The following ARHGEF3 variants were observed in gnomAD, a reference collection of about 807,000 sequenced individuals.
ARHGEF3 encodes the protein 59.8 kDA protein.
Under a neutral mutation model 63.2 loss-of-function variants are expected in ARHGEF3, and 28 were observed. The ratio of observed to expected loss-of-function variants is 0.44; its 90% CI spans 0.33 to 0.61. The LOEUF (loss-of-function observed/expected upper bound fraction) is 0.61. ARHGEF3 is among the 20% of genes least tolerant of loss of function. The pLI is 0.03. For synonymous variants in ARHGEF3, 266 were observed against 254.2 expected, an observed-to-expected ratio of 1.05 and a Z score of -0.44; for missense variants, 533 against 659.3, an observed-to-expected ratio of 0.81 and a Z score of 2.10.
intron 2 of ARHGEF3, among the ~76,000 whole-genome samples, chr3:57,026,560 C>T (rs781574597): frequency 1.3e-5 from 2 of 152,140 alleles, no homozygotes; most frequent in African/African-American, 2.4e-5. Flanking sequence ...GGAGGGAGAC[C>T]GACATGATGT....
intron 2 of ARHGEF3, among the ~76,000 whole-genome samples, chr3:56,995,256 G>A (rs891713307): frequency 5.9e-5 from 9 of 152,086 alleles, no homozygotes; most frequent in South Asian, 2.1e-4. Flanking sequence ...TGAGGCCGGC[G>A]TCTGGGGGGT....
intron 4 of ARHGEF3, among the ~76,000 whole-genome samples, chr3:56,813,560 G>T (rs1333879168): frequency 6.6e-6 from 1 of 152,046 alleles, no homozygotes; most frequent in Non-Finnish European, 1.5e-5. Flanking sequence ...GCAGTTTGGG[G>T]TATCTTGTTA....
chr3:57,017,935 A>G (rs762955223), intron 2 of ARHGEF3, among the ~76,000 whole-genome samples: 5 of 152,234 alleles, frequency 3.3e-5, no homozygotes, highest in Non-Finnish European at 5.9e-5. Context: ...AGTGAAGTGC[A>G]AAGAGCACAT....
At chr3:57,030,797 T>C (rs1287361936) in intron 2 of ARHGEF3, among the ~76,000 whole-genome samples, 1 of 152,206 alleles carries the variant, frequency 6.6e-6, no homozygotes, top group African/African-American at 2.4e-5. Flanking sequence ...CCTATACTCT[T>C]GGGCCCCTAA....
intron 4 of ARHGEF3, among the ~76,000 whole-genome samples, chr3:56,856,995 C>T (rs2039909295): frequency 6.6e-6 from 1 of 152,024 alleles, no homozygotes; most frequent in Non-Finnish European, 1.5e-5. Flanking sequence ...TCCAAGTCTG[C>T]AGCCATGGGC....
In ARHGEF3 at chr3:56,751,109, C is replaced by T. The variant is rs2034715293; in HGVS notation, c.559G>A (p.Val187Ile). The T allele has an allele frequency of 6.2e-7, 1 of 1,614,008 alleles. No individual in the cohort carries two copies. Among genetic ancestry groups the T allele is most frequent in the Non-Finnish European group, 8.5e-7 (1 of 1,180,022 alleles). ...TCAGTCGAGCCATCAGGCTTCCTAA[C>T]ATCTCGAAGCTGACTAAGGAGCTCT... ...HEELLSQLRD[V>I]RKPDGSTEHV... Residue 187 changes from valine (V) to isoleucine (I), a missense_variant, in exon 6 of 10, where the codon GTT becomes ATT. Val to Ile is a conservative substitution (Grantham distance 29, BLOSUM62 3). Around this residue, in one of 4 missense-constraint regions of ARHGEF3, gnomAD observed 107 missense variants for 207.9 expected, o/e 0.51. Coordinates refer to ENST00000296315, the MANE Select transcript of ARHGEF3 (RefSeq NM_019555.3).
intron 2 of ARHGEF3, among the ~76,000 whole-genome samples, chr3:57,021,243 A>G (rs9853968): frequency 0.027 from 4,094 of 152,356 alleles, 178 homozygotes; most frequent in African/African-American, 0.093. Context: ...AGAAAAAACA[A>G]AAACAGATGT....
upstream of ARHGEF3, among the ~76,000 whole-genome samples, chr3:56,802,846 A>G (rs1227088189): frequency 1.3e-5 from 2 of 152,236 alleles, no homozygotes; most frequent in African/African-American, 4.8e-5. Flanking sequence ...ACTGGAAACA[A>G]TGGTAATATA....
At chr3:56,849,242 G>A (rs1559990282) in intron 4 of ARHGEF3, among the ~76,000 whole-genome samples, 1 of 152,084 alleles carries the variant, frequency 6.6e-6, no homozygotes, top group Admixed American at 6.6e-5. Context: ...CTTTTACCAG[G>A]AACTTACATA....
chr3:56,879,521 T>G (rs2040698914), intron 4 of ARHGEF3, among the ~76,000 whole-genome samples: 1 of 152,208 alleles, frequency 6.6e-6, no homozygotes, highest in Non-Finnish European at 1.5e-5. Context: ...CATCTGCAAT[T>G]TCTTGTTCAA....
chr3:56,912,861 C>T (rs2041888093), intron 3 of ARHGEF3, among the ~76,000 whole-genome samples: 1 of 152,126 alleles, frequency 6.6e-6, no homozygotes, highest in East Asian at 1.9e-4. Context: ...ATCTGGGGGG[C>T]ATGCAGTGGC....
chr3:57,052,484 ACAGG>A (rs1200656551), intron 1 of ARHGEF3, among the ~76,000 whole-genome samples: 1 of 152,048 alleles, frequency 6.6e-6, no homozygotes, highest in Non-Finnish European at 1.5e-5. Flanking sequence ...TTTAGTAGAG[ACAGG>A]GTTTCACCAA....
intron 4 of ARHGEF3, among the ~76,000 whole-genome samples, chr3:56,876,040 AG>A (rs2040575543): frequency 2.0e-5 from 3 of 152,254 alleles, no homozygotes; most frequent in Admixed American, 2.0e-4. Context: ...ATGAAGGGTA[AG>A]GGGGCATGAG....
chr3:56,884,110 T>G (rs1475374305), intron 3 of ARHGEF3, among the ~76,000 whole-genome samples: 2 of 152,138 alleles, frequency 1.3e-5, no homozygotes, highest in Admixed American at 1.3e-4. Flanking sequence ...GAGCCAAACA[T>G]CCTAGAGAAA....
chr3:56,964,230 G>A (rs1700396351), intron 2 of ARHGEF3, among the ~76,000 whole-genome samples: 1 of 151,906 alleles, frequency 6.6e-6, no homozygotes, highest in Non-Finnish European at 1.5e-5. Context: ...GTGCATGCCT[G>A]TAGTCCCAGC....
At chr3:56,811,378 C>G (rs753779766) in intron 4 of ARHGEF3, among the ~76,000 whole-genome samples, 8 of 131,044 alleles carry the variant, frequency 6.1e-5, no homozygotes, top group Non-Finnish European at 1.1e-4. Context: ...GGGGCTGGGG[C>G]AGATGGTGGG....
intron 4 of ARHGEF3, among the ~76,000 whole-genome samples, chr3:56,808,096 C>T (rs2037929640): frequency 6.6e-6 from 1 of 150,666 alleles, no homozygotes; most frequent in South Asian, 2.1e-4. Context: ...TGCACTCTAG[C>T]CTGGGTGACA....
At chr3:56,812,692 T>A (rs1212289597) in intron 4 of ARHGEF3, among the ~76,000 whole-genome samples, 1 of 152,208 alleles carries the variant, frequency 6.6e-6, no homozygotes, top group Non-Finnish European at 1.5e-5. Flanking sequence ...GGGGGCAGAT[T>A]TTGCCTGATG....
intron 2 of ARHGEF3, among the ~76,000 whole-genome samples, chr3:56,767,009 C>T (rs2107813382): frequency 6.6e-6 from 1 of 152,130 alleles, no homozygotes; most frequent in South Asian, 2.1e-4. Flanking sequence ...TTTATGAGTC[C>T]ATTAAGAATC....
Sources: allele counts gnomAD v4.1 joint callset (sites outside exome capture counted in the v4.1 genomes callset), GRCh38; gene constraint gnomAD v4.1.1; regional missense constraint gnomAD v4.1.1; transcripts MANE v1.5; gene names NCBI Gene and HGNC (gene_info 2026-07-23, HGNC 2026-07-21).